RMND5B: variants seen among roughly 807,000 people sequenced by gnomAD.
The protein encoded by RMND5B is E3 ubiquitin-protein transferase RMND5B.
RMND5B carries 42 observed loss-of-function variants against 50.4 expected under a neutral mutation model. The ratio of observed to expected loss-of-function variants is 0.83; its 90% CI spans 0.65 to 1.08. The LOEUF (loss-of-function observed/expected upper bound fraction) is 1.08, where lower values mean the gene tolerates loss of function less well. RMND5B is among the 50% of genes least tolerant of loss of function. The probability of loss-of-function intolerance (pLI) is 0.00; values close to 1 mark genes in which losing one functional copy is unlikely to be tolerated. For synonymous variants in RMND5B, 220 were observed against 210.0 expected, an observed-to-expected ratio of 1.05 and a Z score of -0.41; for missense variants, 463 against 508.5, an observed-to-expected ratio of 0.91 and a Z score of 0.86.
intron 2 of RMND5B, among the ~76,000 whole-genome samples, 197 bp downstream of exon 2, chr5:178,131,573 T>TAAA (rs33915769): frequency 9.3e-5 from 13 of 139,230 alleles, no homozygotes; most frequent in African/African-American, 2.7e-4. Flanking sequence ...GACTGTATAG[T>TAAA]AAAAAAAAAA....
intron 2 of RMND5B, among the ~76,000 whole-genome samples, chr5:178,132,066 A>G (rs1285264246): frequency 6.6e-6 from 1 of 152,176 alleles, no homozygotes; most frequent in Non-Finnish European, 1.5e-5. Context: ...TAATTCCAGC[A>G]CTTTGGGAGG....
Position 178,144,010 on chromosome 5 carries a change from T to G in RMND5B, c.596T>G (p.Leu199Arg). ...TCCCTGGAGTTCAAGCTGCACCGAC[T>G]GCACTTCATCCGCCTCTTGGCAGGA... ...NSSLEFKLHR[L>R]HFIRLLAGGP... is the part of the protein sequence containing the mutation. Residue 199 changes from leucine to arginine, a missense_variant, in exon 7 of 11, where the codon CTG becomes CGG. Coordinates refer to ENST00000313386, the MANE Select transcript of RMND5B (RefSeq NM_022762.5). The G allele has an allele frequency of 6.2e-7, 1 of 1,614,258 alleles. No homozygotes were observed. Among genetic ancestry groups the G allele is most frequent in the East Asian group, 2.2e-5 (1 of 44,882 alleles).
chr5:178,144,342 T>C (rs1326593493), intron 7 of RMND5B, among the ~76,000 whole-genome samples: 1 of 152,136 alleles, frequency 6.6e-6, no homozygotes, highest in Non-Finnish European at 1.5e-5. Flanking sequence ...CCCAGGGTCC[T>C]CGTGCCTGCT....
At chr5:178,145,876 T>A in intron 7 of RMND5B, 1 of 491,292 alleles carries the variant, frequency 2.0e-6, no homozygotes, top group Non-Finnish European at 3.7e-6. Context: ...TCCTCATTCC[T>A]GATTCTGTGT....
Position 178,149,558 on chromosome 5 carries a change from CTTCATGAA to C in RMND5B, c.*1527_*1534del. On this transcript the variant is annotated 3_prime_UTR_variant, in exon 11 of 11. Transcript: ENST00000313386. ...CTGATGGACAGAAGACTAGCATTAC[CTTCATGAA>C]AGGGCTGTTAGAGCTGCCTGGGAAG... 1 of 828,102 alleles carries C rather than the reference CTTCATGAA, an allele frequency of 1.2e-6. No individual in the cohort carries two copies. The highest frequency in any genetic ancestry group is 2.5e-5 in the Admixed American group (1 of 40,140). 51.3% of individuals were successfully genotyped at this position (828,102 alleles called of 1,614,324 possible).
intron 5 of RMND5B, 71 bp from the exon 6 acceptor site, chr5:178,143,556 T>C: frequency 4.9e-6 from 6 of 1,217,210 alleles, no homozygotes; most frequent in Non-Finnish European, 6.1e-6. Flanking sequence ...TGAGCTTTTA[T>C]TATGTGCATA....
intron 2 of RMND5B, among the ~76,000 whole-genome samples, chr5:178,134,003 G>A (rs1758477794): frequency 1.3e-5 from 2 of 152,300 alleles, no homozygotes; most frequent in Non-Finnish European, 2.9e-5. Context: ...GTGAGCCACC[G>A]CGCCCTGCCC....
chr5:178,144,702 G>C (rs956339867), intron 7 of RMND5B, among the ~76,000 whole-genome samples: 1 of 107,110 alleles, frequency 9.3e-6, no homozygotes, highest in Non-Finnish European at 2.1e-5. Context: ...CTGGGTGACA[G>C]AGTGAGACTC....
In RMND5B at chr5:178,149,989, A is replaced by G; in HGVS notation, c.*1957A>G. The G allele has an allele frequency of 1.2e-6, 1 of 820,350 alleles. No individual in the cohort carries two copies. Among genetic ancestry groups the G allele is most frequent in the Non-Finnish European group, 1.9e-6 (1 of 523,916 alleles). 50.8% of individuals were successfully genotyped at this position (820,350 alleles called of 1,614,324 possible). A position where few individuals can be genotyped will look rare whatever the true frequency, so the allele number is the denominator to read the frequency against. On this transcript the variant is annotated 3_prime_UTR_variant, in exon 11 of 11. Coordinates refer to ENST00000313386, the MANE Select transcript of RMND5B (RefSeq NM_022762.5). Reference sequence around the variant, plus strand: ...TTAAAAGCATCTTGAATTGGTTGCCATCATTTAAACTCAATCAGACTTTGA... The same window carrying G: ...TTAAAAGCATCTTGAATTGGTTGCCGTCATTTAAACTCAATCAGACTTTGA...
intron 2 of RMND5B, among the ~76,000 whole-genome samples, chr5:178,134,604 A>G (rs1758515615): frequency 6.6e-6 from 1 of 152,172 alleles, no homozygotes; most frequent in East Asian, 1.9e-4. Flanking sequence ...GACAGACTGA[A>G]TTAACCTCCT....
chr5:178,139,975 T>C (rs1231822645), intron 3 of RMND5B, among the ~76,000 whole-genome samples: 4 of 152,140 alleles, frequency 2.6e-5, no homozygotes, highest in African/African-American at 9.7e-5. Flanking sequence ...ACATTTCTTC[T>C]GTCTTCCTTT....
chr5:178,147,081 C>T (rs1756050866), intron 8 of RMND5B: 1 of 179,528 alleles, frequency 5.6e-6, no homozygotes, highest in South Asian at 1.3e-4. Flanking sequence ...CAGTAGGCTC[C>T]CTTCCCCATG....
chr5:178,142,145 T>A (rs568919363), intron 3 of RMND5B: 1 of 163,848 alleles, frequency 6.1e-6, no homozygotes, highest in East Asian at 1.7e-4. Context: ...GCTATAAATA[T>A]TCACTTACAA....
chr5:178,144,186 G>A (rs2113430128), intron 7 of RMND5B, 78 bp downstream of exon 7: 5 of 1,496,568 alleles, frequency 3.3e-6, no homozygotes, highest in Non-Finnish European at 4.5e-6. Context: ...CAGGCTGCCA[G>A]TCCCTGCACC....
rs748318623 is a variant in RMND5B at position 178,146,240 on chromosome 5, C to T, written c.821C>T (p.Ser274Phe). The T allele has an allele frequency of 1.2e-6, 2 of 1,614,164 alleles. No homozygotes were observed. Among genetic ancestry groups the T allele is most frequent in the East Asian group, 2.2e-5 (1 of 44,876 alleles). The change falls in exon 8 of 11, where the codon TCC becomes TTC. Residue 274 changes from serine (S) to phenylalanine (F), a missense_variant. By Grantham distance (155) the Ser-to-Phe change is radical (BLOSUM62 -2). Coordinates refer to ENST00000313386, the MANE Select transcript of RMND5B (RefSeq NM_022762.5). ...ICETFTRDAC[S>F]LLGLSVESPL... ...GAGACCTTTACCCGGGACGCCTGTT[C>T]CCTGCTGGGGCTTTCTGTGGAGTCC... is the stretch of plus-strand genomic sequence containing the variant.
chr5:178,138,510 AT>A lies in RMND5B; in HGVS notation c.139+256del. The A allele has an allele frequency of 3.0e-6, 2 of 671,920 alleles. No individual in the cohort carries two copies. The highest frequency in any genetic ancestry group is 4.1e-6 in the Non-Finnish European group (2 of 482,856). The allele number at this position is 671,920 out of a possible 1,614,324, so 41.6% of individuals were successfully genotyped here. A position where few individuals can be genotyped will look rare whatever the true frequency, so the allele number is the denominator to read the frequency against. On this transcript the variant is annotated intron_variant, in intron 3 of 10. Transcript: ENST00000313386. This position sits in a 1 kb window ranked among gnomAD's most constrained non-coding sequence, Gnocchi z 5.1. Reference sequence around the variant, plus strand: ...ACTTTTCTATTTTTAACTTTTTTTCATTTTATAATTGTGTGTGTGTGTGTGT... The same window carrying A: ...ACTTTTCTATTTTTAACTTTTTTTCATTTATAATTGTGTGTGTGTGTGTGT...
Position 178,147,951 on chromosome 5 carries a change from G to C in RMND5B, c.1119-18G>C, listed in dbSNP as rs187011048. 30 of 1,614,172 alleles carry C rather than the reference G, an allele frequency of 1.9e-5. No homozygotes were observed. In the South Asian group the frequency reaches 2.5e-4, roughly 14 times the overall value. On this transcript the variant is annotated intron_variant, in intron 10 of 10. Transcript: ENST00000313386. ...ACTGGCCACCCCTGAGACGTTCTCG[G>C]TTCTCCTCCCTTTGCAGGCTGAAGT...
rs1301049100 is a variant in RMND5B at position 178,137,934 on chromosome 5, T to C, written c.-12-174T>C. ...TGGGCACCCCAGTGGAGTGAGGAGA[T>C]GGGATGTTATATGCTTACCAAAACA... is the stretch of plus-strand genomic sequence containing the variant. On this transcript the variant is annotated intron_variant, in intron 2 of 10. Transcript: ENST00000313386. The surrounding 1 kb of genome is among the most constrained non-coding windows in gnomAD (Gnocchi z 4.4). Among the ~76,000 whole-genome samples the C allele has an allele frequency of 6.6e-6, 1 of 152,038 alleles. No individual in the cohort carries two copies. The highest frequency in any genetic ancestry group is 1.9e-4 in the East Asian group (1 of 5,184).
chr5:178,141,880 A>T (rs1395791667), intron 3 of RMND5B: 1 of 152,112 alleles, frequency 6.6e-6, no homozygotes, highest in Non-Finnish European at 1.5e-5. Flanking sequence ...GGCAACCACT[A>T]ATCTCTTTTT....
Sources: gnomAD v4.1 joint callset for allele counts (sites outside exome capture counted in the v4.1 genomes callset) on GRCh38, gnomAD v4.1.1 for gene constraint, Gnocchi (gnomAD v3.1) non-coding constraint, MANE v1.5 for transcripts, NCBI Gene and HGNC (gene_info 2026-07-23, HGNC 2026-07-21) for gene names.